The following PCDHA6 variants were observed in gnomAD, a reference collection of about 807,000 sequenced individuals.
PCDHA6 encodes protocadherin alpha 6.
PCDHA6 carries 55 observed loss-of-function variants against 60.3 expected under a neutral mutation model. That is an observed-to-expected ratio of 0.91 (90% CI 0.73 to 1.14). PCDHA6 has a LOEUF of 1.14. PCDHA6 is among the 50% of genes most tolerant of loss of function. The pLI is 0.00. For missense variants in PCDHA6, 1,327 were observed against 1,256.5 expected (o/e 1.06, Z -0.85); for synonymous variants, 652 against 557.9 (o/e 1.17, Z -2.38).
In PCDHA6 at chr5:141,002,220, G is replaced by GC. The variant is rs1319895049; in HGVS notation, c.2543-7407_2543-7406insC. ...AGTCCCCGGCTTTAATCAAAATGAT[G>GC]GGTTTTCTGGAAGCTCTTTATTAAC... On this transcript the variant is annotated intron_variant, in intron 3 of 3. Coordinates refer to ENST00000529310, the MANE Select transcript of PCDHA6 (RefSeq NM_018909.4). Among the ~76,000 whole-genome samples, 33 of 152,196 alleles carry GC rather than the reference G, an allele frequency of 2.2e-4. 1 individual carries two copies. Among genetic ancestry groups the GC allele is most frequent in the Admixed American group, 1.0e-3 (16 of 15,274 alleles).
At chr5:141,003,814 G>A (rs2098139841) in intron 3 of PCDHA6, among the ~76,000 whole-genome samples, 1 of 152,088 alleles carries the variant, frequency 6.6e-6, no homozygotes, top group Admixed American at 6.6e-5. Context: ...CTGTAGTCTG[G>A]GAAGGGCTCT....
intron 1 of PCDHA6, among the ~76,000 whole-genome samples, chr5:140,946,631 T>TATACATACAC (rs57893927): frequency 7.6e-6 from 1 of 131,846 alleles, no homozygotes; most frequent in Non-Finnish European, 1.5e-5. Context: ...TATATATATA[T>TATACATACAC]ACAATGGAAT....
At chr5:140,946,295 C>T (rs543000779) in intron 1 of PCDHA6, among the ~76,000 whole-genome samples, 2 of 151,940 alleles carry the variant, frequency 1.3e-5, no homozygotes, top group South Asian at 4.1e-4. Context: ...TCACCTCACA[C>T]CTGGTAGAAT....
At chr5:140,877,652 C>T (rs1456022709) in intron 1 of PCDHA6, 1 of 1,613,400 alleles carries the variant, frequency 6.2e-7, no homozygotes, top group Non-Finnish European at 8.5e-7. Context: ...TCAGCGCCGC[C>T]CACCGTGAGC....
intron 1 of PCDHA6, among the ~76,000 whole-genome samples, chr5:140,914,158 C>T (rs1041086072): frequency 1.2e-4 from 18 of 152,276 alleles, no homozygotes; most frequent in East Asian, 9.6e-4. Flanking sequence ...CTGTCCAATA[C>T]GGAAAGTGGG....
intron 1 of PCDHA6, chr5:140,884,448 CCACCGAGGGCGCGTGCGCGCCGGG>C (rs1244657512): frequency 1.9e-6 from 3 of 1,613,716 alleles, no homozygotes; most frequent in Non-Finnish European, 2.5e-6. Context: ...TCGGCACCGC[CCACCGAGGGCGCGTGCGCGCCGGG>C]CAAGCCCACT....
chr5:140,892,534 T>C (rs1554185241), intron 1 of PCDHA6, among the ~76,000 whole-genome samples: 2 of 152,254 alleles, frequency 1.3e-5, no homozygotes, highest in African/African-American at 2.4e-5. Context: ...CTCAGGATTC[T>C]GACTTTTGTT....
chr5:140,842,085 C>T (rs2150329021), intron 1 of PCDHA6: 1 of 1,613,890 alleles, frequency 6.2e-7, no homozygotes, highest in Non-Finnish European at 8.5e-7. Flanking sequence ...TTCGAAAACG[C>T]AGACAACGGA....
intron 1 of PCDHA6, chr5:140,862,425 A>T: frequency 2.8e-6 from 1 of 353,460 alleles, no homozygotes; most frequent in Non-Finnish European, 5.6e-6. Context: ...GCTGCCCAGA[A>T]ACTATTCGTT....
intron 1 of PCDHA6, among the ~76,000 whole-genome samples, chr5:140,934,036 G>T (rs181745303): frequency 2.9e-4 from 44 of 151,956 alleles, no homozygotes; most frequent in African/African-American, 1.0e-3. Context: ...GTTTATTAAT[G>T]ATATTAGTCT....
intron 1 of PCDHA6, chr5:140,847,434 A>T (rs1554141788): frequency 1.3e-5 from 2 of 149,796 alleles, no homozygotes; most frequent in East Asian, 3.9e-4. Flanking sequence ...TAGACTTGAG[A>T]TACACTAAAA....
intron 3 of PCDHA6, among the ~76,000 whole-genome samples, chr5:141,005,701 CAAAAAAA>C (rs59860837): frequency 1.3e-4 from 1 of 7,786 alleles, no homozygotes; most frequent in African/African-American, 4.7e-4. Context: ...AACTCCGTCT[CAAAAAAA>C]AAAAAAAAAA....
rs199624636 is a variant in PCDHA6, at chr5:141,009,721, C to T, written c.2637C>T (p.Ser879=). The change falls in exon 4 of 4, where the codon TCC becomes TCT. Residue 879 remains serine (S), a synonymous_variant. Coordinates refer to ENST00000529310, the MANE Select transcript of PCDHA6 (RefSeq NM_018909.4). ...FKYGPGNPKQ[S]GPGELPDKFI... ...ACGGACCAGGCAACCCCAAACAATCCGGTCCCGGTGAGTTGCCCGACAAAT... is the reference window on the plus strand; with the variant it reads ...ACGGACCAGGCAACCCCAAACAATCTGGTCCCGGTGAGTTGCCCGACAAAT... 1.3e-5 allele frequency: 21 copies of T among 1,614,012 alleles called. No individual in the cohort carries two copies. The highest frequency in any genetic ancestry group is 1.7e-5 in the Non-Finnish European group (20 of 1,180,038).
chr5:140,886,368 C>A (rs1174734883), intron 1 of PCDHA6, among the ~76,000 whole-genome samples: 1 of 152,040 alleles, frequency 6.6e-6, no homozygotes, highest in Non-Finnish European at 1.5e-5. Flanking sequence ...GGTGTACATG[C>A]CATGGTGTGC....
chr5:140,994,428 C>T lies in PCDHA6; in HGVS notation c.2542+11865C>T, dbSNP rs183026150. Among the ~76,000 whole-genome samples, 15 of 152,198 alleles carry T rather than the reference C, an allele frequency of 9.9e-5. No individual in the cohort carries two copies. The South Asian group carries it at 1.2e-3, about 13-fold the overall frequency. On this transcript the variant is annotated intron_variant, in intron 3 of 3. Transcript: ENST00000529310. ...TTTAATACTGGATATTGAGGCCGGGCGCAGTGGCTCACACCTGTGATCCCA... is the reference window on the plus strand; with the variant it reads ...TTTAATACTGGATATTGAGGCCGGGTGCAGTGGCTCACACCTGTGATCCCA...
At chr5:140,846,436 G>A (rs191314082) in intron 1 of PCDHA6, among the ~76,000 whole-genome samples, 18 of 131,380 alleles carry the variant, frequency 1.4e-4, no homozygotes, top group African/African-American at 3.7e-4. Flanking sequence ...ATGCAGTGGC[G>A]CAATCTCGGC....
chr5:140,855,355 C>T (rs1489669614), intron 1 of PCDHA6, among the ~76,000 whole-genome samples: 3 of 149,796 alleles, frequency 2.0e-5, no homozygotes, highest in African/African-American at 7.3e-5. Context: ...AGTCATGTGG[C>T]TAGTGAGTAG....
rs2150351918 is a variant in PCDHA6, at chr5:140,843,075, TG to T, written c.2394+12593del. ...GCGAGCAAGCTGGTGCCGCGGTCTG[TG>T]GGCGCGGGCCACGTGGTAGCGAAGG... On this transcript the variant is annotated intron_variant, in intron 1 of 3. Coordinates refer to ENST00000529310, the MANE Select transcript of PCDHA6 (RefSeq NM_018909.4). 2.6e-5 allele frequency: 42 copies of T among 1,595,158 alleles called. 6 individuals carry two copies. Among genetic ancestry groups the T allele is most frequent in the Non-Finnish European group, 1.6e-5 (19 of 1,165,272 alleles).
At chr5:140,968,665 T>C (rs782078145) in intron 1 of PCDHA6, 4 of 1,614,042 alleles carry the variant, frequency 2.5e-6, no homozygotes, top group Non-Finnish European at 3.4e-6. Context: ...TGGACCTCTT[T>C]AAGGTAGAGC....
Sources: allele counts gnomAD v4.1 joint callset (sites outside exome capture counted in the v4.1 genomes callset), GRCh38; gene constraint gnomAD v4.1.1; transcripts MANE v1.5; gene names NCBI Gene and HGNC (gene_info 2026-07-23, HGNC 2026-07-21).